PPP6R3: variants seen among roughly 807,000 people sequenced by gnomAD.
The protein encoded by PPP6R3 is protein phosphatase 6 regulatory subunit 3.
PPP6R3 carries 38 observed loss-of-function variants against 110.7 expected under a neutral mutation model. The observed-to-expected ratio is 0.34, with a 90% CI of 0.26 to 0.45. PPP6R3 has a LOEUF of 0.45. PPP6R3 is among the 20% of genes least tolerant of loss of function. PPP6R3 has a pLI of 1.00. For missense variants in PPP6R3, 870 were observed against 1,062.4 expected, an observed-to-expected ratio of 0.82 and a Z score of 2.52; for synonymous variants, 369 against 373.5, an observed-to-expected ratio of 0.99 and a Z score of 0.14.
intron 1 of PPP6R3, among the ~76,000 whole-genome samples, chr11:68,502,228 A>G (rs2099052456): frequency 6.6e-6 from 1 of 152,250 alleles, no homozygotes; most frequent in Non-Finnish European, 1.5e-5. Flanking sequence ...GTTTTATACA[A>G]CCCATTATGT....
intron 14 of PPP6R3, among the ~76,000 whole-genome samples, chr11:68,580,896 T>C (rs927479726): frequency 3.3e-5 from 5 of 151,526 alleles, no homozygotes; most frequent in African/African-American, 7.3e-5. Flanking sequence ...CTCAGCCTCC[T>C]GAGTAGCTGG....
At position 68,509,744 on chromosome 11, in the gene PPP6R3, ATTTTTTTTT is replaced by A. The variant is rs59022544; in HGVS notation, c.-157-9743_-157-9735del. Reference sequence around the variant, plus strand: ...AGACATAAGCCACTGCATGTGGCTAATTTTTTTTTTTTTTTTTTTTTTGAGACGGAGCTT... The same window carrying A: ...AGACATAAGCCACTGCATGTGGCTAATTTTTTTTTTTTTGAGACGGAGCTT... On this transcript the variant is annotated intron_variant, in intron 1 of 23. Transcript: ENST00000393800. Among the ~76,000 whole-genome samples, 948 of 102,130 alleles carry A rather than the reference ATTTTTTTTT, an allele frequency of 9.3e-3. 3 individuals are homozygous for A. Among genetic ancestry groups the A allele is most frequent in the Middle Eastern group, 0.023 (3 of 128 alleles). 67.0% of individuals were successfully genotyped at this position (102,130 alleles called of 152,430 possible).
intron 14 of PPP6R3, among the ~76,000 whole-genome samples, chr11:68,580,746 CTTTTTTTTTTTTTTTTTTTT>C (rs71043441): frequency 3.0e-4 from 20 of 67,522 alleles, no homozygotes; most frequent in African/African-American, 6.2e-4. Flanking sequence ...GGTAAATAAT[CTTTTTTTTTTTTTTTTTTTT>C]TTTTTTTTTT....
chr11:68,535,798 C>CGAA (rs2099267120), intron 2 of PPP6R3, among the ~76,000 whole-genome samples: 1 of 106,812 alleles, frequency 9.4e-6, no homozygotes, highest in Non-Finnish European at 1.8e-5. Flanking sequence ...CCCGTCTCTA[C>CGAA]TAAAAAAAAA....
At position 68,517,953 on chromosome 11, in the gene PPP6R3, A is replaced by T. The variant is rs572638173; in HGVS notation, c.-157-1548A>T. On this transcript the variant is annotated intron_variant, in intron 1 of 23. Transcript: ENST00000393800. ...ACCCTGTCTTCAAAAAAAAAAAAAAAGTTAATAAAATACGAATCTATGAGT... is the reference window on the plus strand; with the variant it reads ...ACCCTGTCTTCAAAAAAAAAAAAAATGTTAATAAAATACGAATCTATGAGT... 1.1e-4 allele frequency among the ~76,000 whole-genome samples: 17 copies of T among 151,836 alleles called. 1 individual carries two copies. In the South Asian group the frequency reaches 3.3e-3, roughly 30 times the overall value.
intron 5 of PPP6R3, among the ~76,000 whole-genome samples, chr11:68,548,444 A>AT (rs1283567719): frequency 6.6e-6 from 1 of 152,020 alleles, no homozygotes; most frequent in Admixed American, 6.5e-5. Flanking sequence ...TGTTGTGAGT[A>AT]TTTTTTCCTT....
chr11:68,534,784 T>G (rs2099260697), intron 2 of PPP6R3, among the ~76,000 whole-genome samples: 2 of 152,316 alleles, frequency 1.3e-5, no homozygotes, highest in South Asian at 4.2e-4. Flanking sequence ...GTTTTGTGAT[T>G]TTTAAGAACG....
At chr11:68,488,415 C>T (rs1326880059) in intron 1 of PPP6R3, among the ~76,000 whole-genome samples, 1 of 152,174 alleles carries the variant, frequency 6.6e-6, no homozygotes, top group Non-Finnish European at 1.5e-5. Context: ...CTCAAGCAGT[C>T]CTCCTATCTC....
intron 22 of PPP6R3, among the ~76,000 whole-genome samples, chr11:68,606,477 A>AG (rs1566181277): frequency 7.8e-6 from 1 of 128,666 alleles, no homozygotes; most frequent in East Asian, 2.2e-4. Flanking sequence ...AAATTTATGT[A>AG]GTTTTTTTTT....
chr11:68,522,458 C>T (rs1252019204), intron 2 of PPP6R3: 1 of 152,214 alleles, frequency 6.6e-6, no homozygotes, highest in Non-Finnish European at 1.5e-5. Context: ...ATCCAGTGTT[C>T]AGTAATGGTC....
At chr11:68,600,222 G>T in intron 19 of PPP6R3, 119 bp from the exon 20 acceptor site, 1 of 1,167,286 alleles carries the variant, frequency 8.6e-7, no homozygotes, top group Non-Finnish European at 1.3e-6. Flanking sequence ...GCCCTCATTG[G>T]TGAGAGTGTC....
intron 2 of PPP6R3, among the ~76,000 whole-genome samples, chr11:68,528,045 G>GA (rs1252550072): frequency 1.3e-5 from 2 of 152,192 alleles, no homozygotes; most frequent in African/African-American, 2.4e-5. Context: ...GAACAAGGTT[G>GA]AAATGTATGC....
At chr11:68,460,970 G>T (rs1161171883) in intron 1 of PPP6R3, 143 bp downstream of exon 1, 4 of 151,704 alleles carry the variant, frequency 2.6e-5, no homozygotes, top group African/African-American at 9.7e-5. Flanking sequence ...CCCGGAATTC[G>T]TCGCTCCGCG....
intron 1 of PPP6R3, among the ~76,000 whole-genome samples, chr11:68,503,561 T>C (rs1334194582): frequency 6.6e-6 from 1 of 152,098 alleles, no homozygotes; most frequent in African/African-American, 2.4e-5. Context: ...GCGAGGAGAA[T>C]GTTCTAATGA....
intron 1 of PPP6R3, among the ~76,000 whole-genome samples, chr11:68,504,446 G>A (rs146131453): frequency 6.6e-6 from 1 of 152,252 alleles, no homozygotes; most frequent in African/African-American, 2.4e-5. Context: ...CCAGATACCT[G>A]TTAGGATTCT....
chr11:68,600,540 G>A lies in PPP6R3; in HGVS notation c.2192+46G>A, dbSNP rs1315660536. On this transcript the variant is annotated intron_variant, in intron 20 of 23. Transcript: ENST00000393800. ...TCTACACCCTTCCACGGGGGACCTG[G>A]GAATGGTCAGGTGTTTGCTGTTAAC... is the stretch of plus-strand genomic sequence containing the variant. The A allele has an allele frequency of 1.9e-6, 3 of 1,573,736 alleles. No homozygotes were observed. The African/African-American group carries it at 4.1e-5, about 22-fold the overall frequency.
chr11:68,565,429 C>G (rs1232206482), intron 9 of PPP6R3, among the ~76,000 whole-genome samples: 3 of 151,862 alleles, frequency 2.0e-5, no homozygotes, highest in East Asian at 1.9e-4. Context: ...GGTGCTTGCC[C>G]TTAGGGAAAG....
At chr11:68,487,586 AT>A (rs922216697) in intron 1 of PPP6R3, among the ~76,000 whole-genome samples, 5 of 150,668 alleles carry the variant, frequency 3.3e-5, no homozygotes, top group African/African-American at 7.3e-5. Flanking sequence ...AAAAAATTGT[AT>A]TTTTTTTTAT....
At chr11:68,471,282 CAA>C (rs34619002) in intron 1 of PPP6R3, among the ~76,000 whole-genome samples, 31 of 57,254 alleles carry the variant, frequency 5.4e-4, no homozygotes, top group Admixed American at 1.2e-3. Context: ...GATTCTGTCT[CAA>C]AAAAAAAAAA....
Sources: gnomAD v4.1 joint callset for allele counts (sites outside exome capture counted in the v4.1 genomes callset) on GRCh38, gnomAD v4.1.1 for gene constraint, MANE v1.5 for transcripts, NCBI Gene and HGNC (gene_info 2026-07-23, HGNC 2026-07-21) for gene names.